The following ZNF250 variants were observed in gnomAD, a reference collection of about 807,000 sequenced individuals.
ZNF250 encodes the protein zinc finger protein 250, also known as zinc finger protein (clone 647).
In ZNF250, 13 loss-of-function variants were observed where a neutral mutation model predicts 37.1. The observed-to-expected ratio is 0.35, with a 90% confidence interval of 0.23 to 0.56. The LOEUF (loss-of-function observed/expected upper bound fraction) is 0.56, where lower values mean the gene tolerates loss of function less well. Among genes scored for constraint, ZNF250 ranks in the 20% least tolerant of loss-of-function variants. ZNF250 has a pLI of 0.87. For synonymous variants in ZNF250, 251 were observed against 265.6 expected (o/e 0.94, Z 0.54); for missense variants, 474 against 697.9 (o/e 0.68, Z 3.61).
Position 144,878,406 on chromosome 8 carries a change from T to C in ZNF250, c.*3109A>G, listed in dbSNP as rs967357488. 1 of 152,258 alleles carries C rather than the reference T, an allele frequency of 6.6e-6. No homozygotes were observed. Among genetic ancestry groups the C allele is most frequent in the African/African-American group, 2.4e-5 (1 of 41,466 alleles). 9.4% of individuals were successfully genotyped at this position (152,258 alleles called of 1,614,324 possible). On this transcript the variant is annotated 3_prime_UTR_variant, in exon 6 of 6. Coordinates refer to ENST00000417550, the MANE Select transcript of ZNF250 (RefSeq NM_001109689.4). ...TGAACAACTCAGTTATTTCATCTCCTTTCTAAAGTTAACAGCTTAGTGATC... is the reference window on the plus strand; with the variant it reads ...TGAACAACTCAGTTATTTCATCTCCCTTCTAAAGTTAACAGCTTAGTGATC...
intron 4 of ZNF250, among the ~76,000 whole-genome samples, chr8:144,887,487 T>C (rs1009136569): frequency 3.3e-5 from 5 of 152,082 alleles, no homozygotes; most frequent in African/African-American, 1.2e-4. Context: ...ACATCAGTAA[T>C]CTAAAACTCA....
chr8:144,896,973 A>C (rs2129883088), intron 1 of ZNF250, among the ~76,000 whole-genome samples: 1 of 152,220 alleles, frequency 6.6e-6, no homozygotes, highest in East Asian at 1.9e-4. Context: ...AATTTCCCTA[A>C]GGAATAATCC....
intron 1 of ZNF250, among the ~76,000 whole-genome samples, chr8:144,893,569 G>T (rs1298285700): frequency 6.6e-6 from 1 of 152,188 alleles, no homozygotes; most frequent in Non-Finnish European, 1.5e-5. Flanking sequence ...GAGCTCAAGT[G>T]ATATGCCCCT....
At position 144,881,335 on chromosome 8, in the gene ZNF250, GTC is replaced by G. The variant is rs1269074140; in HGVS notation, c.*178_*179del. 14 of 773,528 alleles carry G rather than the reference GTC, an allele frequency of 1.8e-5. No homozygotes were observed. The highest frequency in any genetic ancestry group is 1.7e-4 in the African/African-American group (10 of 57,266). 47.9% of individuals were successfully genotyped at this position (773,528 alleles called of 1,614,324 possible). On this transcript the variant is annotated 3_prime_UTR_variant, in exon 6 of 6. Transcript: ENST00000417550. ...GATGTTGAGGAAAATAAAACAGGTA[GTC>G]TCTGAAGTTTTTCCACAGGAACAGC... is the stretch of plus-strand genomic sequence containing the variant.
intron 1 of ZNF250, among the ~76,000 whole-genome samples, chr8:144,898,890 A>G (rs943061478): frequency 6.6e-6 from 1 of 152,354 alleles, no homozygotes; most frequent in Admixed American, 6.5e-5. Context: ...TTATATACCC[A>G]AAAGAAAGGA....
rs560620761 is a variant in ZNF250, at chr8:144,881,400, T to C, written c.*115A>G. ...TCTTTCTGGAGTTATTTTGTGACAC[T>C]GAATCGCCAAAGAAAAGCTTCCTAT... On this transcript the variant is annotated 3_prime_UTR_variant, in exon 6 of 6. Coordinates refer to ENST00000417550, the MANE Select transcript of ZNF250 (RefSeq NM_001109689.4). 24 of 1,418,492 alleles carry C rather than the reference T, an allele frequency of 1.7e-5. No homozygotes were observed. The Admixed American group carries it at 5.4e-4, about 32-fold the overall frequency. 87.9% of individuals were successfully genotyped at this position (1,418,492 alleles called of 1,614,324 possible).
intron 1 of ZNF250, among the ~76,000 whole-genome samples, chr8:144,900,613 CAA>C (rs989819374): frequency 2.0e-5 from 3 of 152,140 alleles, no homozygotes; most frequent in Admixed American, 6.5e-5. Flanking sequence ...TGCTGTGTTG[CAA>C]AGAGTTGGGC....
rs919715379 is a variant in ZNF250, at chr8:144,881,689, G to A, written c.1494C>T (p.Gly498=). The A allele has an allele frequency of 6.2e-6, 10 of 1,607,472 alleles. No individual in the cohort carries two copies. Among genetic ancestry groups the A allele is most frequent in the African/African-American group, 4.0e-5 (3 of 74,572 alleles). The change falls in exon 6 of 6, where the codon GGC becomes GGT. Residue 498 remains glycine (G), a synonymous_variant. Transcript: ENST00000417550. Reference sequence around the variant, plus strand: ...AGCTATTGCACTCATATGGCTTCTCGCCCGTGTGGGTCCTCAGGTGCACAA... The same window carrying A: ...AGCTATTGCACTCATATGGCTTCTCACCCGTGTGGGTCCTCAGGTGCACAA... ...TLIVHLRTHT[G]EKPYECNSCG...
At chr8:144,885,974 G>A (rs116934799) in intron 5 of ZNF250, among the ~76,000 whole-genome samples, 3,518 of 151,522 alleles carry the variant, frequency 0.023, 74 homozygotes, top group Admixed American at 0.076. Flanking sequence ...GTGTACACCT[G>A]TGGTTATAGC....
Position 144,882,743 on chromosome 8 carries a change from C to T in ZNF250, c.440G>A (p.Gly147Glu). ...QTVILGKTPL[G>E]RIDQENNETK... is the part of the protein sequence containing the mutation. ...TTCATTATTTTCTTGATCAATCCTCCCCAAGGGTGTTTTCCCCAGAATCAC... is the reference window on the plus strand; with the variant it reads ...TTCATTATTTTCTTGATCAATCCTCTCCAAGGGTGTTTTCCCCAGAATCAC... Residue 147 changes from glycine (G) to glutamate (E), a missense_variant, in exon 6 of 6, where the codon GGG becomes GAG. Physicochemically the swap from Gly to Glu is moderately conservative, Grantham distance 98. Around this residue, in one of 2 missense-constraint regions of ZNF250, gnomAD observed 192 missense variants for 227.5 expected, o/e 0.84. Coordinates refer to ENST00000417550, the MANE Select transcript of ZNF250 (RefSeq NM_001109689.4). The surrounding 1 kb of genome is among the most constrained non-coding windows in gnomAD (Gnocchi z 5.5). 3 of 1,613,982 alleles carry T rather than the reference C, an allele frequency of 1.9e-6. No individual in the cohort carries two copies. The highest frequency in any genetic ancestry group is 2.5e-6 in the Non-Finnish European group (3 of 1,179,892).
intron 4 of ZNF250, among the ~76,000 whole-genome samples, chr8:144,888,424 C>A (rs1346727062): frequency 6.6e-6 from 1 of 151,886 alleles, no homozygotes; most frequent in Non-Finnish European, 1.5e-5. Flanking sequence ...TGGTGAAATC[C>A]TGTCTCTACT....
At position 144,889,699 on chromosome 8, in the gene ZNF250, T is replaced by G. The variant is rs368572956; in HGVS notation, c.170-5A>C. ...CAGGCTTGGATCCTGGAAGTCCTGC[T>G]CGTGGGGAGGGAAGTCTTTGTTTAC... On this transcript the variant is annotated splice_region_variant and splice_polypyrimidine_tract_variant and intron_variant, in intron 3 of 5. Transcript: ENST00000417550. The G allele has an allele frequency of 1.1e-5, 17 of 1,613,106 alleles. No individual in the cohort carries two copies. Among genetic ancestry groups the G allele is most frequent in the Non-Finnish European group, 1.4e-5 (16 of 1,179,476 alleles).
rs1831397941 is a variant in ZNF250 at position 144,880,544 on chromosome 8, T to C, written c.*971A>G. ...AAAAGTTAGCATAACCTTTCTGATC[T>C]TGAATAAAGTTAAAAGCTCCAGATA... On this transcript the variant is annotated 3_prime_UTR_variant, in exon 6 of 6. Coordinates refer to ENST00000417550, the MANE Select transcript of ZNF250 (RefSeq NM_001109689.4). The C allele has an allele frequency of 2.2e-6, 1 of 454,728 alleles. No homozygotes were observed. Among genetic ancestry groups the C allele is most frequent in the Non-Finnish European group, 4.4e-6 (1 of 225,616 alleles). 28.2% of individuals were successfully genotyped at this position (454,728 alleles called of 1,614,324 possible).
chr8:144,883,485 G>A (rs559244305), intron 5 of ZNF250, among the ~76,000 whole-genome samples: 257 of 152,036 alleles, frequency 1.7e-3, no homozygotes, highest in African/African-American at 5.7e-3. Flanking sequence ...GATTACAGAC[G>A]CACACCATCA....
In ZNF250 at chr8:144,889,709, G is replaced by A; in HGVS notation, c.170-15C>T. On this transcript the variant is annotated splice_polypyrimidine_tract_variant and intron_variant, in intron 3 of 5. Transcript: ENST00000417550. ...TCCTGGAAGTCCTGCTCGTGGGGAG[G>A]GAAGTCTTTGTTTACACAACATTTA... 1 of 1,610,558 alleles carries A rather than the reference G, an allele frequency of 6.2e-7. No individual in the cohort carries two copies. Among genetic ancestry groups the A allele is most frequent in the African/African-American group, 1.3e-5 (1 of 74,978 alleles).
intron 4 of ZNF250, among the ~76,000 whole-genome samples, chr8:144,887,944 A>C (rs1832012478): frequency 6.6e-6 from 1 of 152,212 alleles, no homozygotes; most frequent in Non-Finnish European, 1.5e-5. Context: ...AATAAGGAGG[A>C]GCTTTCAAGG....
intron 3 of ZNF250, 69 bp from the exon 4 acceptor site, chr8:144,889,763 T>C (rs138811789): frequency 2.0e-4 from 308 of 1,522,316 alleles, no homozygotes; most frequent in South Asian, 2.8e-4. Context: ...CCCAAGCCAC[T>C]TGTGGGGACA....
At chr8:144,893,108 C>T (rs974896944) in intron 1 of ZNF250, among the ~76,000 whole-genome samples, 1 of 152,072 alleles carries the variant, frequency 6.6e-6, no homozygotes, top group African/African-American at 2.4e-5. Context: ...GGTGATCCAC[C>T]CGCCTTGGCC....
chr8:144,883,612 T>C (rs1235347764), intron 5 of ZNF250, among the ~76,000 whole-genome samples: 1 of 149,190 alleles, frequency 6.7e-6, no homozygotes, highest in Non-Finnish European at 1.5e-5. Flanking sequence ...AGTGCTGGGA[T>C]TACAGGCGTG....
Sources: allele counts gnomAD v4.1 joint callset (sites outside exome capture counted in the v4.1 genomes callset), GRCh38; gene constraint gnomAD v4.1.1; regional missense constraint gnomAD v4.1.1; non-coding constraint Gnocchi (gnomAD v3.1); transcripts MANE v1.5; gene names NCBI Gene and HGNC (gene_info 2026-07-23, HGNC 2026-07-21).